GGTA1: variants seen among roughly 807,000 people sequenced by gnomAD.
The protein encoded by GGTA1 is glycoprotein alpha-galactosyltransferase 1 (inactive), also known as inactive N-acetyllactosaminide alpha-1,3-galactosyltransferase.
Under a neutral mutation model 2.6 loss-of-function variants are expected in GGTA1, and 5 were observed. The ratio of observed to expected loss-of-function variants is 1.92; its 90% CI spans 1.00 to 4.04. The LOEUF (loss-of-function observed/expected upper bound fraction) is 4.04, where lower values mean the gene tolerates loss of function less well. GGTA1 is among the 30% of genes most tolerant of loss of function. GGTA1 has a pLI of 0.00. For missense variants in GGTA1, 50 were observed against 16.7 expected, an observed-to-expected ratio of 2.99 and a Z score of -3.47; for synonymous variants, 17 against 5.0, an observed-to-expected ratio of 3.38 and a Z score of -3.19.
At chr9:121,469,774 AC>A (rs921595532) in intron 1 of GGTA1, among the ~76,000 whole-genome samples, 2 of 152,182 alleles carry the variant, frequency 1.3e-5, no homozygotes, top group Non-Finnish European at 1.5e-5. Flanking sequence ...ATACAAATGA[AC>A]CAATCCTGAG....
At chr9:121,452,331 G>C (rs1419738862), downstream of GGTA1, 1 of 152,532 alleles carries the variant, frequency 6.6e-6, no homozygotes. Flanking sequence ...TTGCCATTGT[G>C]GGGCAGAGAC....
exon 8 of GGTA1, chr9:121,446,201 A>G (rs1048766938): frequency 6.6e-6 from 1 of 152,218 alleles, no homozygotes; most frequent in Admixed American, 6.6e-5. Context: ...CCCCACAGTG[A>G]TTGGCTCCTC....
chr9:121,453,447 A>G (rs755885334), downstream of GGTA1, among the ~76,000 whole-genome samples: 8 of 117,660 alleles, frequency 6.8e-5, no homozygotes, highest in Non-Finnish European at 1.6e-4. Context: ...CAGGGGCCCC[A>G]GCATGAGGGT....
At chr9:121,472,753 C>T (rs1828418682) in intron 1 of GGTA1, among the ~76,000 whole-genome samples, 1 of 152,168 alleles carries the variant, frequency 6.6e-6, no homozygotes, top group African/African-American at 2.4e-5. Flanking sequence ...CCAAGCCTTG[C>T]CAACCCCACC....
chr9:121,470,062 G>A (rs954375232), intron 1 of GGTA1, among the ~76,000 whole-genome samples: 1 of 152,166 alleles, frequency 6.6e-6, no homozygotes, highest in African/African-American at 2.4e-5. Context: ...GGTCCCATAT[G>A]GTGTGCTATG....
At chr9:121,445,327 G>A (rs1452759810) in exon 8 of GGTA1, 1 of 151,382 alleles carries the variant, frequency 6.6e-6, no homozygotes, top group Non-Finnish European at 1.5e-5. Flanking sequence ...CACTAATTCA[G>A]GGTTTTTGTT....
chr9:121,448,185 A>G (rs1400514287), intron 7 of GGTA1, among the ~76,000 whole-genome samples: 2 of 152,134 alleles, frequency 1.3e-5, no homozygotes, highest in East Asian at 1.9e-4. Context: ...CCTTTGTCCA[A>G]TTTACCAATT....
chr9:121,446,640 T>A (rs1388732771), exon 8 of GGTA1: 1 of 152,240 alleles, frequency 6.6e-6, no homozygotes, highest in Non-Finnish European at 1.5e-5. Context: ...GCTTTATCTC[T>A]GCCTATGACA....
intron 5 of GGTA1, 35 bp downstream of exon 5, chr9:121,460,069 A>AT: frequency 2.2e-6 from 1 of 456,074 alleles, no homozygotes; most frequent in Non-Finnish European, 4.4e-6. Context: ...AGGGCCATGG[A>AT]TTTGCTGCAC....
At chr9:121,489,798 T>G (rs1828837508) in intron 1 of GGTA1, among the ~76,000 whole-genome samples, 1 of 152,182 alleles carries the variant, frequency 6.6e-6, no homozygotes, top group Middle Eastern at 3.4e-3. Flanking sequence ...CCTGGGGATG[T>G]GTGTGTGTTT....
At chr9:121,492,480 A>C (rs931850079) in intron 1 of GGTA1, among the ~76,000 whole-genome samples, 1 of 151,762 alleles carries the variant, frequency 6.6e-6, no homozygotes, top group Non-Finnish European at 1.5e-5. Context: ...TATTTTATTT[A>C]TTTTATTTTT....
At chr9:121,498,567 CTCTG>C (rs1233869378) in intron 1 of GGTA1, among the ~76,000 whole-genome samples, 2 of 152,228 alleles carry the variant, frequency 1.3e-5, no homozygotes, top group African/African-American at 2.4e-5. Context: ...GAAACTGAGG[CTCTG>C]TCTGGGAAGG....
chr9:121,461,706 G>T (rs2064961900), intron 3 of GGTA1, among the ~76,000 whole-genome samples: 1 of 152,222 alleles, frequency 6.6e-6, no homozygotes, highest in South Asian at 2.1e-4. Context: ...ATAGTTAATA[G>T]TACTAATAAC....
At chr9:121,451,375 C>T (rs762853172), downstream of GGTA1, among the ~76,000 whole-genome samples, 16 of 152,098 alleles carry the variant, frequency 1.1e-4, no homozygotes, top group East Asian at 1.9e-4. Flanking sequence ...TTCATAGAGA[C>T]GGGGTTTCAC....
intron 7 of GGTA1, among the ~76,000 whole-genome samples, chr9:121,449,748 G>A (rs1443098431): frequency 6.8e-6 from 1 of 146,266 alleles, no homozygotes; most frequent in Non-Finnish European, 1.5e-5. Flanking sequence ...GCTAAGGCAG[G>A]AGAATTGCCG....
intron 1 of GGTA1, among the ~76,000 whole-genome samples, chr9:121,479,871 G>A (rs1453310016): frequency 6.6e-6 from 1 of 152,102 alleles, no homozygotes; most frequent in Admixed American, 6.6e-5. Flanking sequence ...TTTATAGAAT[G>A]TTACGGGATC....
At chr9:121,498,684 T>C (rs1223596865) in intron 1 of GGTA1, among the ~76,000 whole-genome samples, 2 of 152,050 alleles carry the variant, frequency 1.3e-5, no homozygotes, top group Admixed American at 1.3e-4. Flanking sequence ...CAGCCCGGCC[T>C]GCTCAGGAGC....
At chr9:121,462,568 A>G (rs2064969925) in intron 3 of GGTA1, 1 of 152,200 alleles carries the variant, frequency 6.6e-6, no homozygotes, top group Non-Finnish European at 1.5e-5. Context: ...GAGAACAGAA[A>G]GAGATACATT....
At chr9:121,492,609 G>T (rs1201538083) in intron 1 of GGTA1, among the ~76,000 whole-genome samples, 1 of 152,078 alleles carries the variant, frequency 6.6e-6, no homozygotes, top group Non-Finnish European at 1.5e-5. Flanking sequence ...TCATAGCTGG[G>T]ATTACAGGCA....
Sources: gnomAD v4.1 joint callset for allele counts (sites outside exome capture counted in the v4.1 genomes callset) on GRCh38, gnomAD v4.1.1 for gene constraint, MANE v1.5 for transcripts, NCBI Gene and HGNC (gene_info 2026-07-23, HGNC 2026-07-21) for gene names.